The following TRAPPC9 variants were observed in gnomAD, a reference collection of about 807,000 sequenced individuals.
TRAPPC9 encodes the protein IKK2 binding protein.
Under a neutral mutation model 124.0 loss-of-function variants are expected in TRAPPC9, and 83 were observed. The ratio of observed to expected loss-of-function variants is 0.67; its 90% CI spans 0.56 to 0.80. The LOEUF is 0.80. Among genes scored for constraint, TRAPPC9 ranks in the 30% least tolerant of loss-of-function variants. The pLI, the probability that TRAPPC9 is intolerant of heterozygous loss-of-function variation, is 0.00. For synonymous variants in TRAPPC9, 638 were observed against 617.5 expected, an observed-to-expected ratio of 1.03 and a Z score of -0.49; for missense variants, 1,302 against 1,508.3, an observed-to-expected ratio of 0.86 and a Z score of 2.27.
chr8:139,841,426 G>C (rs1347087917), intron 21 of TRAPPC9, among the ~76,000 whole-genome samples: 1 of 152,208 alleles, frequency 6.6e-6, no homozygotes, highest in Non-Finnish European at 1.5e-5. Flanking sequence ...GGGGGCCGGC[G>C]GGCCTCACTG....
intron 16 of TRAPPC9, among the ~76,000 whole-genome samples, chr8:140,242,855 C>T (rs992661585): frequency 4.6e-5 from 7 of 152,084 alleles, no homozygotes; most frequent in African/African-American, 1.7e-4. Context: ...CAGTCACTGG[C>T]GTCTCCCAAG....
chr8:140,095,119 C>G (rs1844846892), intron 17 of TRAPPC9: 2 of 152,346 alleles, frequency 1.3e-5, no homozygotes, highest in East Asian at 1.9e-4. Flanking sequence ...GTGGCCACAC[C>G]TGTCAGGCTA....
intron 17 of TRAPPC9, among the ~76,000 whole-genome samples, chr8:140,151,632 C>A (rs765508026): frequency 6.6e-6 from 1 of 152,276 alleles, no homozygotes; most frequent in African/African-American, 2.4e-5. Context: ...TGGATGACTT[C>A]TGTAAAGACT....
intron 17 of TRAPPC9, among the ~76,000 whole-genome samples, chr8:140,059,950 T>C (rs1193330761): frequency 6.6e-6 from 1 of 152,230 alleles, no homozygotes; most frequent in Non-Finnish European, 1.5e-5. Context: ...GCTAACACCA[T>C]CATCCTTATC....
At chr8:140,165,201 C>A (rs1240675100) in intron 17 of TRAPPC9, among the ~76,000 whole-genome samples, 1 of 151,970 alleles carries the variant, frequency 6.6e-6, no homozygotes, top group Admixed American at 6.6e-5. Flanking sequence ...ATTAGCCAGG[C>A]GTGGTGGCGT....
At chr8:140,192,249 C>A (rs1366790699) in intron 17 of TRAPPC9, among the ~76,000 whole-genome samples, 1 of 152,166 alleles carries the variant, frequency 6.6e-6, no homozygotes, top group Non-Finnish European at 1.5e-5. Context: ...GAAAGGGTTT[C>A]GGAAAGTTAA....
At chr8:139,918,755 C>T (rs1000896313) in intron 19 of TRAPPC9, among the ~76,000 whole-genome samples, 2 of 152,218 alleles carry the variant, frequency 1.3e-5, no homozygotes, top group African/African-American at 2.4e-5. Context: ...TTTTCTTCAG[C>T]GCAGAAAATA....
chr8:139,918,432 C>G (rs1832286630), intron 19 of TRAPPC9, among the ~76,000 whole-genome samples: 1 of 152,232 alleles, frequency 6.6e-6, no homozygotes. Flanking sequence ...TACGGAGATC[C>G]TATATCACTA....
At chr8:140,160,574 T>A (rs2061730522) in intron 17 of TRAPPC9, among the ~76,000 whole-genome samples, 1 of 146,544 alleles carries the variant, frequency 6.8e-6, no homozygotes, top group Non-Finnish European at 1.5e-5. Flanking sequence ...ATGTTCTCAC[T>A]CATAGGTGGG....
chr8:140,457,809 C>T, upstream of TRAPPC9: 1 of 1,059,672 alleles, frequency 9.4e-7, no homozygotes, highest in Non-Finnish European at 1.1e-6. Context: ...CGATCCGTCC[C>T]GGGTTTTGCA....
At chr8:139,947,318 A>T (rs897311366) in intron 19 of TRAPPC9, among the ~76,000 whole-genome samples, 3 of 152,230 alleles carry the variant, frequency 2.0e-5, no homozygotes, top group Non-Finnish European at 4.4e-5. Context: ...ACCAAATAGC[A>T]TTTAACAAGA....
At chr8:140,455,420 T>C (rs2071619323) in intron 1 of TRAPPC9, among the ~76,000 whole-genome samples, 1 of 145,656 alleles carries the variant, frequency 6.9e-6, no homozygotes, top group Admixed American at 6.9e-5. Flanking sequence ...GGCACAACAT[T>C]ATTCTTGTTT....
At chr8:139,886,277 G>T (rs748602653) in intron 20 of TRAPPC9, among the ~76,000 whole-genome samples, 1 of 152,190 alleles carries the variant, frequency 6.6e-6, no homozygotes, top group Non-Finnish European at 1.5e-5. Context: ...AAAATAAAGA[G>T]AAATGGAAGG....
At chr8:139,988,949 G>A (rs545227848) in intron 18 of TRAPPC9, 113 bp from the exon 19 acceptor site, 42 of 736,348 alleles carry the variant, frequency 5.7e-5, no homozygotes, top group Admixed American at 4.6e-4. Context: ...AAAGTATATC[G>A]AAATGCCAAG....
intron 21 of TRAPPC9, among the ~76,000 whole-genome samples, chr8:139,814,245 G>T (rs977879043): frequency 6.6e-6 from 1 of 152,218 alleles, no homozygotes; most frequent in Non-Finnish European, 1.5e-5. Flanking sequence ...TGGGAGAGGC[G>T]GCAGAACAGA....
intron 19 of TRAPPC9, among the ~76,000 whole-genome samples, chr8:139,985,820 A>T (rs1215682729): frequency 6.6e-6 from 1 of 152,254 alleles, no homozygotes; most frequent in Non-Finnish European, 1.5e-5. Context: ...ATAAAGTGGC[A>T]TATTTACACA....
At chr8:140,102,199 G>A (rs2060592547) in intron 17 of TRAPPC9, among the ~76,000 whole-genome samples, 1 of 152,162 alleles carries the variant, frequency 6.6e-6, no homozygotes. Context: ...GGTTGTTGCT[G>A]TGATTACTAG....
chr8:140,301,862 G>C (rs1406231209), intron 10 of TRAPPC9, among the ~76,000 whole-genome samples: 1 of 152,164 alleles, frequency 6.6e-6, no homozygotes, highest in Non-Finnish European at 1.5e-5. Context: ...TGGACATTGA[G>C]AAGGTGGAGC....
chr8:140,027,113 T>C (rs1840197094), intron 17 of TRAPPC9, among the ~76,000 whole-genome samples: 1 of 152,216 alleles, frequency 6.6e-6, no homozygotes, highest in African/African-American at 2.4e-5. Flanking sequence ...ATCTGTTTGA[T>C]CTATTTTTTC....
Sources: allele counts gnomAD v4.1 joint callset (sites outside exome capture counted in the v4.1 genomes callset), GRCh38; gene constraint gnomAD v4.1.1; transcripts MANE v1.5; gene names NCBI Gene and HGNC (gene_info 2026-07-23, HGNC 2026-07-21).